Variants in ZNF222 observed in about 807,000 individuals in gnomAD.
ZNF222 encodes zinc finger protein 222.
In ZNF222, 8 loss-of-function variants were observed where a neutral mutation model predicts 11.6. The ratio of observed to expected loss-of-function variants is 0.69; its 90% confidence interval spans 0.41 to 1.25. The LOEUF (loss-of-function observed/expected upper bound fraction) is 1.25. ZNF222 is among the 50% of genes most tolerant of loss of function. The pLI is 0.01. For synonymous variants in ZNF222, 171 were observed against 195.6 expected, an observed-to-expected ratio of 0.87 and a Z score of 1.05; for missense variants, 483 against 576.1, an observed-to-expected ratio of 0.84 and a Z score of 1.65.
rs750943518 is a variant in ZNF222, at chr19:44,026,078, A to G, written c.42+600A>G. The G allele has an allele frequency of 9.3e-6, 15 of 1,613,610 alleles. No homozygotes were observed. The African/African-American group carries it at 1.9e-4, about 20-fold the overall frequency. On this transcript the variant is annotated intron_variant, in intron 1 of 3. Transcript: ENST00000391960. ...AGGGACTTCTTGGCTACTGATGGCAAAGCTCTACGTGAGTGATCCTTGGCT... is the reference window on the plus strand; with the variant it reads ...AGGGACTTCTTGGCTACTGATGGCAGAGCTCTACGTGAGTGATCCTTGGCT...
intron 3 of ZNF222, 118 bp from the exon 4 acceptor site, chr19:44,031,699 T>C (rs1976502864): frequency 1.8e-6 from 2 of 1,137,786 alleles, no homozygotes; most frequent in African/African-American, 3.1e-5. Context: ...GCCAGGATGG[T>C]CTCAAACTCC....
rs1353262937 is a variant in ZNF222 at position 44,032,919 on chromosome 19, A to G, written c.1365A>G (p.Gln455=). ...RLVCRSYCKD[Q]QRDHSGENPS... Reference sequence around the variant, plus strand: ...TATGCCGGTCATACTGTAAAGACCAACAAAGAGACCACAGTGGAGAAAACC... The same window carrying G: ...TATGCCGGTCATACTGTAAAGACCAGCAAAGAGACCACAGTGGAGAAAACC... The change falls in exon 4 of 4, where the codon CAA becomes CAG. Residue 455 remains glutamine (Q), a synonymous_variant. Coordinates refer to ENST00000391960, the MANE Select transcript of ZNF222 (RefSeq NM_001129996.2). 1 of 1,612,664 alleles carries G rather than the reference A, an allele frequency of 6.2e-7. No individual in the cohort carries two copies. Among genetic ancestry groups the G allele is most frequent in the Non-Finnish European group, 8.5e-7 (1 of 1,179,714 alleles).
chr19:44,032,467 A>AGC lies in ZNF222; in HGVS notation c.914_915dup (p.Phe306AlafsTer34), dbSNP rs1280252962. ...ATTCAAATGTGAAATATGTGGTAAG[A>AGC]GCTTCTGTCTTAGGTCAAGTCTTAA... On this transcript the variant is annotated frameshift_variant, in exon 4 of 4. Transcript: ENST00000391960. LOFTEE classifies it low-confidence loss of function (END_TRUNC). 1 of 1,614,102 alleles carries AGC rather than the reference A, an allele frequency of 6.2e-7. No homozygotes were observed. Among genetic ancestry groups the AGC allele is most frequent in the African/African-American group, 1.3e-5 (1 of 74,918 alleles).
Position 44,031,807 on chromosome 19 carries a change from G to A in ZNF222, c.263-10G>A. The A allele has an allele frequency of 6.2e-7, 1 of 1,608,834 alleles. No individual in the cohort carries two copies. The highest frequency in any genetic ancestry group is 2.2e-5 in the East Asian group (1 of 44,858). The stretch of plus-strand genomic sequence containing the variant: ...ACTTGTCCACATGTCTTAATTCTGT[G>A]TCCTTATAGGAGGCAAGATCCAAAC... On this transcript the variant is annotated splice_polypyrimidine_tract_variant and intron_variant, in intron 3 of 3. Transcript: ENST00000391960.
chr19:44,026,926 A>G (rs1304230252), intron 1 of ZNF222, 97 bp from the exon 2 acceptor site: 6 of 1,557,010 alleles, frequency 3.9e-6, no homozygotes, highest in Non-Finnish European at 4.3e-6. Context: ...TCAAGATCCA[A>G]AACAACTTTA....
Position 44,027,408 on chromosome 19 carries a change from A to G in ZNF222, c.180A>G (p.Pro60=), listed in dbSNP as rs1976401423. The G allele has an allele frequency of 6.2e-7, 1 of 1,614,164 alleles. No individual in the cohort carries two copies. Among genetic ancestry groups the G allele is most frequent in the South Asian group, 1.1e-5 (1 of 91,086 alleles). ...FRNLLSVGHQ[P]FHGDTFHFLR... The stretch of plus-strand genomic sequence containing the variant: ...TTTGCCTGTTCACAGGGCATCAACC[A>G]TTCCATGGAGATACTTTCCACTTCC... Residue 60 remains proline, a synonymous_variant, in exon 3 of 4, where the codon CCA becomes CCG. Coordinates refer to ENST00000391960, the MANE Select transcript of ZNF222 (RefSeq NM_001129996.2).
At chr19:44,027,584 T>TTTCCTGGATTATTACAGCC in intron 3 of ZNF222, 94 bp downstream of exon 3, 1 of 1,183,460 alleles carries the variant, frequency 8.4e-7, no homozygotes, top group Non-Finnish European at 1.2e-6. Flanking sequence ...GCCAAACCTG[T>TTTCCTGGATTATTACAGCC]TTCCTGGATT....
chr19:44,029,177 G>GTTTTTTTTT (rs1568503536), intron 3 of ZNF222, among the ~76,000 whole-genome samples: 1 of 125,916 alleles, frequency 7.9e-6, no homozygotes, highest in African/African-American at 3.2e-5. Flanking sequence ...ACAGTTGTTG[G>GTTTTTTTTT]TTTGTTTTGT....
At chr19:44,026,164 A>G (rs1456494141) in intron 1 of ZNF222, 1 of 1,416,656 alleles carries the variant, frequency 7.1e-7, no homozygotes, top group Non-Finnish European at 9.9e-7. Context: ...TCCCTCGGGC[A>G]TGGGTGTCGA....
In ZNF222 at chr19:44,032,108, A is replaced by G. The variant is rs1976514378; in HGVS notation, c.554A>G (p.His185Arg). The G allele has an allele frequency of 6.2e-7, 1 of 1,614,122 alleles. No homozygotes were observed. The highest frequency in any genetic ancestry group is 1.3e-5 in the African/African-American group (1 of 74,946). The change falls in exon 4 of 4, where the codon CAT becomes CGT. Residue 185 changes from histidine to arginine, a missense_variant. Physicochemically the swap from His to Arg is conservative, Grantham distance 29 (BLOSUM62 0). Transcript: ENST00000391960. ...CAGTTATATTCAGGAGAGAAGTCTC[A>G]TACCTGTGATGAGTGTGGAAAAAGC... ...PQQLYSGEKS[H>R]TCDECGKSFC...
chr19:44,026,178 T>C (rs1976356645), intron 1 of ZNF222: 1 of 1,282,370 alleles, frequency 7.8e-7, no homozygotes, highest in South Asian at 1.2e-5. Flanking sequence ...GTGTCGATAA[T>C]GATTAAGCCT....
Position 44,032,861 on chromosome 19 carries a change from C to T in ZNF222, c.1307C>T (p.Pro436Leu). Residue 436 changes from proline to leucine, a missense_variant, in exon 4 of 4, where the codon CCA (proline) becomes CTA (leucine). Pro to Leu is a moderately conservative substitution (Grantham distance 98). Coordinates refer to ENST00000391960, the MANE Select transcript of ZNF222 (RefSeq NM_001129996.2). ...AAGAAACTCCACTGCCAAAGAAAGCCATTGAAATGTGAAGACTGTGGAAAG... is the reference window on the plus strand; with the variant it reads ...AAGAAACTCCACTGCCAAAGAAAGCTATTGAAATGTGAAGACTGTGGAAAG... ...NHKKLHCQRK[P>L]LKCEDCGKRL... is the part of the protein sequence containing the mutation. 36 of 1,613,752 alleles carry T rather than the reference C, an allele frequency of 2.2e-5. No individual in the cohort carries two copies. Among genetic ancestry groups the T allele is most frequent in the Non-Finnish European group, 3.0e-5 (35 of 1,179,964 alleles).
intron 3 of ZNF222, 103 bp downstream of exon 3, chr19:44,027,593 T>C (rs955219168): frequency 1.6e-5 from 18 of 1,100,620 alleles, no homozygotes; most frequent in Non-Finnish European, 2.4e-5. Flanking sequence ...GTTTCCTGGA[T>C]TATTACAGCC....
chr19:44,025,577 C>T lies in ZNF222; in HGVS notation c.42+99C>T, dbSNP rs2147438614. On this transcript the variant is annotated intron_variant, in intron 1 of 3. Coordinates refer to ENST00000391960, the MANE Select transcript of ZNF222 (RefSeq NM_001129996.2). The surrounding 1 kb of genome is among the most constrained non-coding windows in gnomAD (Gnocchi z 4.6). ...TCTCAGGGAGTGGGATTGGCGCGGC[C>T]CGGTGTGCCCTACTTTGACCTCGCT... 3.0e-6 allele frequency: 4 copies of T among 1,312,258 alleles called. No homozygotes were observed. The highest frequency in any genetic ancestry group is 4.1e-6 in the Non-Finnish European group (4 of 976,128). The allele number at this position is 1,312,258 out of a possible 1,614,324, so 81.3% of individuals were successfully genotyped here. A position where few individuals can be genotyped will look rare whatever the true frequency, so the allele number is the denominator to read the frequency against.
chr19:44,032,032 G>A lies in ZNF222; in HGVS notation c.478G>A (p.Glu160Lys), dbSNP rs140657356. ...VHTREKPFQG[E>K]NCKQFFSDVS... Reference sequence around the variant, plus strand: ...CACAAGAGAAAAACCTTTCCAGGGTGAAAATTGTAAACAGTTCTTCAGTGA... The same window carrying A: ...CACAAGAGAAAAACCTTTCCAGGGTAAAAATTGTAAACAGTTCTTCAGTGA... The change falls in exon 4 of 4, where the codon GAA becomes AAA. Residue 160 changes from glutamate (E) to lysine (K), a missense_variant. Coordinates refer to ENST00000391960, the MANE Select transcript of ZNF222 (RefSeq NM_001129996.2). The A allele has an allele frequency of 4.0e-5, 64 of 1,614,094 alleles. 1 individual carries two copies. In the African/African-American group the frequency reaches 8.3e-4, roughly 21 times the overall value.
Position 44,027,042 on chromosome 19 carries a change from A to G in ZNF222, c.62A>G (p.Asp21Gly). 1 of 1,614,098 alleles carries G rather than the reference A, an allele frequency of 6.2e-7. No homozygotes were observed. Among genetic ancestry groups the G allele is most frequent in the African/African-American group, 1.3e-5 (1 of 75,024 alleles). The change falls in exon 2 of 4, where the codon GAT becomes GGT. Residue 21 changes from aspartate (D) to glycine (G), a missense_variant. By Grantham distance (94) the Asp-to-Gly change is moderately conservative. Transcript: ENST00000391960. ...RRAEEAVTFK[D>G]VAVIFTEEEL... ...TTGTAGGAGGCAGTGACCTTCAAGG[A>G]TGTGGCTGTGATCTTCACTGAGGAG...
chr19:44,026,926 AAAC>A, intron 1 of ZNF222, 94 bp from the exon 2 acceptor site: 2 of 1,557,128 alleles, frequency 1.3e-6, no homozygotes, highest in Non-Finnish European at 1.7e-6. Context: ...TCAAGATCCA[AAAC>A]AACTTTACAC....
intron 3 of ZNF222, chr19:44,028,089 C>T (rs1008387655): frequency 4.5e-5 from 18 of 399,588 alleles, no homozygotes; most frequent in African/African-American, 2.9e-4. Flanking sequence ...GTCCACACTC[C>T]GTGGCTCTTG....
intron 1 of ZNF222, chr19:44,026,147 G>T (rs1976355585): frequency 2.6e-6 from 4 of 1,559,510 alleles, no homozygotes; most frequent in African/African-American, 1.4e-5. Flanking sequence ...AGAGTGTGTA[G>T]GATTTGTCCC....
Sources: allele counts gnomAD v4.1 joint callset (sites outside exome capture counted in the v4.1 genomes callset), GRCh38; gene constraint gnomAD v4.1.1; non-coding constraint Gnocchi (gnomAD v3.1); transcripts MANE v1.5; gene names NCBI Gene and HGNC (gene_info 2026-07-23, HGNC 2026-07-21).